The following CLTC variants were observed in gnomAD, a reference collection of about 807,000 sequenced individuals.
CLTC encodes clathrin heavy chain.
Under a neutral mutation model 195.8 loss-of-function variants are expected in CLTC, and 16 were observed. That is an observed-to-expected ratio of 0.08 (90% CI 0.06 to 0.12). The LOEUF is 0.12. Among genes scored for constraint, CLTC ranks in the 10% least tolerant of loss-of-function variants. The probability of loss-of-function intolerance (pLI) is 1.00; values close to 1 mark genes in which losing one functional copy is unlikely to be tolerated. For missense variants in CLTC, 796 were observed against 2,027.0 expected, an observed-to-expected ratio of 0.39 and a Z score of 11.66; for synonymous variants, 667 against 689.4, an observed-to-expected ratio of 0.97 and a Z score of 0.51.
intron 1 of CLTC, among the ~76,000 whole-genome samples, chr17:59,638,390 C>CT (rs1384691685): frequency 6.6e-6 from 1 of 152,076 alleles, no homozygotes; most frequent in Non-Finnish European, 1.5e-5. Flanking sequence ...AGGCATTGTT[C>CT]TTTGCATTCA....
intron 18 of CLTC, among the ~76,000 whole-genome samples, chr17:59,679,980 G>A (rs2033049375): frequency 6.6e-6 from 1 of 152,018 alleles, no homozygotes; most frequent in South Asian, 2.1e-4. Context: ...CCGGGAGGTG[G>A]AGGTTGCAGT....
rs1372384345 is a variant in CLTC, at chr17:59,681,915, A to C, written c.3442+76A>C. 5.3e-6 allele frequency: 7 copies of C among 1,318,000 alleles called. No homozygotes were observed. In the South Asian group the frequency reaches 7.2e-5, roughly 14 times the overall value. The allele number at this position is 1,318,000 out of a possible 1,614,324, so 81.6% of individuals were successfully genotyped here. ...GCATTAAGATATCTGTCTATTCTGAATTTTAGAAGAGTTGGATACTGCATG... is the reference window on the plus strand; with the variant it reads ...GCATTAAGATATCTGTCTATTCTGACTTTTAGAAGAGTTGGATACTGCATG... On this transcript the variant is annotated intron_variant, in intron 21 of 31. Transcript: ENST00000269122. This position sits in a 1 kb window ranked among gnomAD's most constrained non-coding sequence, Gnocchi z 5.0.
In CLTC at chr17:59,693,942, C is replaced by T. The variant is rs769944013; in HGVS notation, c.*90C>T. ...GTTTATAATGGGGGAAAACAGGCAA[C>T]GTGTTCTTGTAACCTTTATTTCATG... On this transcript the variant is annotated 3_prime_UTR_variant, in exon 32 of 32. Coordinates refer to ENST00000269122, the MANE Select transcript of CLTC (RefSeq NM_004859.4). 10 of 1,335,748 alleles carry T rather than the reference C, an allele frequency of 7.5e-6. No homozygotes were observed. Among genetic ancestry groups the T allele is most frequent in the South Asian group, 3.4e-5 (2 of 58,952 alleles). 82.7% of individuals were successfully genotyped at this position (1,335,748 alleles called of 1,614,324 possible).
intron 1 of CLTC, among the ~76,000 whole-genome samples, chr17:59,641,686 C>T (rs1434392090): frequency 6.7e-6 from 1 of 149,988 alleles, no homozygotes; most frequent in Non-Finnish European, 1.5e-5. Context: ...ATATCTATTC[C>T]ACATGGACTA....
chr17:59,641,258 A>G (rs945317393), intron 1 of CLTC, among the ~76,000 whole-genome samples: 2 of 152,176 alleles, frequency 1.3e-5, no homozygotes. Flanking sequence ...GAATAACACT[A>G]CATTCACTAG....
chr17:59,644,066 T>A (rs2032119730), intron 1 of CLTC, among the ~76,000 whole-genome samples: 1 of 152,224 alleles, frequency 6.6e-6, no homozygotes, highest in Admixed American at 6.5e-5. Context: ...TTGTTCTGCC[T>A]CTTATTTGAA....
At chr17:59,657,754 C>G (rs1261805405) in intron 6 of CLTC, among the ~76,000 whole-genome samples, 1 of 130,164 alleles carries the variant, frequency 7.7e-6, no homozygotes, top group African/African-American at 2.9e-5. Flanking sequence ...GATGACAGAG[C>G]AAGACTCTGT....
intron 16 of CLTC, 82 bp from the exon 17 acceptor site, chr17:59,676,872 G>T: frequency 2.0e-6 from 2 of 1,016,496 alleles, no homozygotes; most frequent in East Asian, 2.5e-5. Context: ...TAGACCATAA[G>T]GTATTTACAT....
At chr17:59,658,697 GT>G (rs2032536342) in intron 6 of CLTC, 1 of 152,152 alleles carries the variant, frequency 6.6e-6, no homozygotes, top group African/African-American at 2.4e-5. Flanking sequence ...AGCCTTTTCT[GT>G]TTCCTGTAGC....
intron 1 of CLTC, among the ~76,000 whole-genome samples, chr17:59,635,386 C>A (rs922075384): frequency 1.3e-5 from 2 of 152,168 alleles, no homozygotes; most frequent in African/African-American, 4.8e-5. Context: ...AGGAAGCAAA[C>A]TCCTTAGGTA....
In CLTC at chr17:59,679,530, C is replaced by A; in HGVS notation, c.2919+11C>A. On this transcript the variant is annotated intron_variant, in intron 18 of 31. Coordinates refer to ENST00000269122, the MANE Select transcript of CLTC (RefSeq NM_004859.4). ...CCCCTAATTGACCAGGTAACATTGG[C>A]AAATGTGTTTATGGCTGTCAGTAAA... 1.3e-6 allele frequency: 2 copies of A among 1,572,398 alleles called. No homozygotes were observed. Among genetic ancestry groups the A allele is most frequent in the Non-Finnish European group, 1.7e-6 (2 of 1,157,756 alleles).
chr17:59,675,492 G>C (rs1355054201), intron 16 of CLTC, among the ~76,000 whole-genome samples: 1 of 152,152 alleles, frequency 6.6e-6, no homozygotes, highest in African/African-American at 2.4e-5. Context: ...AAGAAATTAA[G>C]AAAGTCTGTG....
intron 17 of CLTC, among the ~76,000 whole-genome samples, chr17:59,678,170 GCT>G (rs2033006438): frequency 6.6e-6 from 1 of 152,148 alleles, no homozygotes. Flanking sequence ...CCAGAGTACT[GCT>G]TCAGTGGTGG....
chr17:59,651,336 T>C lies in CLTC; in HGVS notation c.795+20T>C. 2 of 1,537,508 alleles carry C rather than the reference T, an allele frequency of 1.3e-6. No homozygotes were observed. The highest frequency in any genetic ancestry group is 1.8e-6 in the Non-Finnish European group (2 of 1,112,742). On this transcript the variant is annotated intron_variant, in intron 5 of 31. Transcript: ENST00000269122. ...ATGCAGGTATTTTAAGCAAAATAAA[T>C]GACTTTTTAAAAATCTCTCCTCTTA...
In CLTC at chr17:59,683,561, A is replaced by G; in HGVS notation, c.4191+25A>G. On this transcript the variant is annotated intron_variant, in intron 26 of 31. Transcript: ENST00000269122. This position sits in a 1 kb window ranked among gnomAD's most constrained non-coding sequence, Gnocchi z 6.1. Reference sequence around the variant, plus strand: ...GGTGTGTACTTTCTTCAGAAGATAAAGGATTCAGAAGGAGAAAGCTCATTA... The same window carrying G: ...GGTGTGTACTTTCTTCAGAAGATAAGGGATTCAGAAGGAGAAAGCTCATTA... 1 of 1,613,016 alleles carries G rather than the reference A, an allele frequency of 6.2e-7. No individual in the cohort carries two copies. Among genetic ancestry groups the G allele is most frequent in the Non-Finnish European group, 8.5e-7 (1 of 1,179,388 alleles).
At chr17:59,630,224 A>T (rs889384532) in intron 1 of CLTC, among the ~76,000 whole-genome samples, 9 of 150,804 alleles carry the variant, frequency 6.0e-5, no homozygotes, top group South Asian at 2.1e-4. Context: ...CTGGCCTCGA[A>T]CTCCTGAGCC....
Position 59,677,083 on chromosome 17 carries a change from T to C in CLTC, c.2691T>C (p.Asn897=), listed in dbSNP as rs765001412. ...ACCCGGAGAGATTTCTTCGTGAAAA[T>C]CCCTACTATGACAGTCGCGTTGTTG... ...NNNPERFLRE[N]PYYDSRVVGK... Residue 897 remains asparagine (N), a synonymous_variant, in exon 17 of 32, where the codon AAT becomes AAC. Transcript: ENST00000269122. 1.2e-6 allele frequency: 2 copies of C among 1,614,014 alleles called. No individual in the cohort carries two copies. Among genetic ancestry groups the C allele is most frequent in the East Asian group, 2.2e-5 (1 of 44,864 alleles).
In CLTC at chr17:59,648,186, T is replaced by C; in HGVS notation, c.520-54T>C. The C allele has an allele frequency of 6.8e-7, 1 of 1,477,436 alleles. No individual in the cohort carries two copies. Among genetic ancestry groups the C allele is most frequent in the South Asian group, 1.3e-5 (1 of 77,842 alleles). 91.5% of individuals were successfully genotyped at this position (1,477,436 alleles called of 1,614,324 possible). ...TAATTATTTCATTACTTGATGAATC[T>C]GAGAGTTTTTGATTTATGGGTCTTC... On this transcript the variant is annotated intron_variant, in intron 3 of 31. Coordinates refer to ENST00000269122, the MANE Select transcript of CLTC (RefSeq NM_004859.4). The surrounding 1 kb of genome is among the most constrained non-coding windows in gnomAD (Gnocchi z 4.5).
intron 13 of CLTC, among the ~76,000 whole-genome samples, chr17:59,668,102 C>T (rs1048878869): frequency 1.5e-4 from 23 of 152,170 alleles, no homozygotes. Flanking sequence ...TTAATAGCCA[C>T]ATGTGTTTAG....
Sources: allele counts gnomAD v4.1 joint callset (sites outside exome capture counted in the v4.1 genomes callset), GRCh38; gene constraint gnomAD v4.1.1; non-coding constraint Gnocchi (gnomAD v3.1); transcripts MANE v1.5; gene names NCBI Gene and HGNC (gene_info 2026-07-23, HGNC 2026-07-21).